The following ZBTB20 variants were observed in gnomAD, a reference collection of about 807,000 sequenced individuals.
ZBTB20 encodes the protein zinc finger and BTB domain containing 20, also known as zinc finger and BTB domain-containing protein 20.
ZBTB20 carries 9 observed loss-of-function variants against 56.9 expected under a neutral mutation model. That is an observed-to-expected ratio of 0.16 (90% CI 0.10 to 0.28). The LOEUF is 0.28. ZBTB20 is among the 10% of genes least tolerant of loss of function. ZBTB20 has a pLI of 1.00. For missense variants in ZBTB20, 655 were observed against 1,003.0 expected, an observed-to-expected ratio of 0.65 and a Z score of 4.69; for synonymous variants, 417 against 420.7, an observed-to-expected ratio of 0.99 and a Z score of 0.11.
At chr3:115,073,613 C>G (rs920688599) in intron 1 of ZBTB20, among the ~76,000 whole-genome samples, 2 of 151,586 alleles carry the variant, frequency 1.3e-5, no homozygotes, top group Admixed American at 1.3e-4. Flanking sequence ...ACTTTTAGCT[C>G]TAAGTTCATT....
chr3:114,760,334 C>G (rs1165410130), intron 5 of ZBTB20, among the ~76,000 whole-genome samples: 1 of 152,154 alleles, frequency 6.6e-6, no homozygotes, highest in Non-Finnish European at 1.5e-5. Flanking sequence ...AAAGAGAAAA[C>G]ACACATCTCA....
At chr3:115,018,649 A>T (rs2080078213) in intron 2 of ZBTB20, among the ~76,000 whole-genome samples, 1 of 151,484 alleles carries the variant, frequency 6.6e-6, no homozygotes, top group South Asian at 2.1e-4. Flanking sequence ...CTGACCAACA[A>T]GAAACAAAGA....
chr3:115,112,624 A>C (rs1479319410), intron 1 of ZBTB20, among the ~76,000 whole-genome samples: 2 of 152,184 alleles, frequency 1.3e-5, no homozygotes, highest in African/African-American at 4.8e-5. Context: ...ATTGCTGCAA[A>C]TGACATTCCT....
chr3:114,821,267 T>A (rs1270978335), intron 4 of ZBTB20, among the ~76,000 whole-genome samples: 1 of 152,148 alleles, frequency 6.6e-6, no homozygotes, highest in East Asian at 1.9e-4. Context: ...TGAAGTCTGG[T>A]GTTGTTTGGC....
chr3:115,119,308 T>C (rs1242690238), intron 1 of ZBTB20, among the ~76,000 whole-genome samples: 4 of 152,200 alleles, frequency 2.6e-5, no homozygotes, highest in Non-Finnish European at 4.4e-5. Flanking sequence ...TTCCTTAACA[T>C]TATTAACCCT....
chr3:114,769,509 T>A (rs114618501), intron 5 of ZBTB20, among the ~76,000 whole-genome samples: 4,583 of 146,590 alleles, frequency 0.031, 126 homozygotes, highest in African/African-American at 0.064. Context: ...TATTTGCACC[T>A]GTTAAATAGC....
rs1269699028 is a variant in ZBTB20 at position 114,941,722 on chromosome 3, C to A, written c.-456+32644G>T. On this transcript the variant is annotated intron_variant, in intron 3 of 11. Coordinates refer to ENST00000675478, the MANE Select transcript of ZBTB20 (RefSeq NM_001348800.3). ...GTAAAATATAATAGATTGTTAGTAA[C>A]AATAAATCAATCTCTACGTTGTCCA... 1.4e-5 allele frequency among the ~76,000 whole-genome samples: 2 copies of A among 146,090 alleles called. 1 individual carries two copies. The highest frequency in any genetic ancestry group is 5.6e-5 in the African/African-American group (2 of 35,962).
chr3:114,408,550 C>T (rs932231785), intron 7 of ZBTB20, among the ~76,000 whole-genome samples: 6 of 151,676 alleles, frequency 4.0e-5, no homozygotes, highest in Admixed American at 6.6e-5. Flanking sequence ...TTGGAACAAT[C>T]GAAAGATTCA....
intron 2 of ZBTB20, among the ~76,000 whole-genome samples, chr3:115,025,141 T>C (rs1353883722): frequency 6.6e-6 from 1 of 151,320 alleles, no homozygotes; most frequent in Non-Finnish European, 1.5e-5. Context: ...TTCCCCTCTA[T>C]GTGTTCATGT....
intron 5 of ZBTB20, among the ~76,000 whole-genome samples, chr3:114,794,778 A>T (rs2071225945): frequency 6.6e-6 from 1 of 152,130 alleles, no homozygotes; most frequent in Non-Finnish European, 1.5e-5. Context: ...ATACTTAAAA[A>T]AAGCCTGGAT....
chr3:114,564,733 A>G (rs1359279808), intron 6 of ZBTB20, among the ~76,000 whole-genome samples: 1 of 152,208 alleles, frequency 6.6e-6, no homozygotes, highest in Non-Finnish European at 1.5e-5. Context: ...CTCTAGGAAT[A>G]AAAGGCACAC....
chr3:115,048,432 G>A (rs570725324), intron 2 of ZBTB20, among the ~76,000 whole-genome samples: 1 of 152,076 alleles, frequency 6.6e-6, no homozygotes, highest in Non-Finnish European at 1.5e-5. Flanking sequence ...CCTATTTAAT[G>A]TAGTTTAAAT....
chr3:115,089,745 T>A (rs907399516), intron 1 of ZBTB20, among the ~76,000 whole-genome samples: 1 of 151,834 alleles, frequency 6.6e-6, no homozygotes, highest in Admixed American at 6.6e-5. Context: ...AACCAGTGTA[T>A]GCAACAAAGT....
chr3:114,840,250 C>G (rs2074325525), intron 4 of ZBTB20, among the ~76,000 whole-genome samples: 1 of 152,174 alleles, frequency 6.6e-6, no homozygotes, highest in South Asian at 2.1e-4. Flanking sequence ...CAATTCAGTA[C>G]TCAATTAACC....
rs1439535284 is a variant in ZBTB20 at position 114,350,844 on chromosome 3, C to T, written c.1234G>A (p.Ala412Thr). The change falls in exon 11 of 12, where the codon GCT (alanine) becomes ACT (threonine). Residue 412 changes from alanine (A) to threonine (T), a missense_variant. Ala to Thr is a moderately conservative substitution (Grantham distance 58, BLOSUM62 0). This residue lies in a region of ZBTB20 where 156 missense variants were observed against 181.0 expected (regional missense o/e 0.86). Coordinates refer to ENST00000675478, the MANE Select transcript of ZBTB20 (RefSeq NM_001348800.3). The part of the protein sequence containing the change: ...SQAEPTQPEQ[A>T]AEAPAEGGPQ... ...CCACCCTCAGCGGGGGCTTCTGCAG[C>T]CTGCTCGGGTTGGGTGGGTTCAGCC... The T allele has an allele frequency of 5.0e-6, 8 of 1,612,210 alleles. No individual in the cohort carries two copies. In the South Asian group the frequency reaches 5.5e-5, roughly 11 times the overall value.
chr3:114,410,777 A>C (rs1457722459), intron 7 of ZBTB20, among the ~76,000 whole-genome samples: 1 of 152,172 alleles, frequency 6.6e-6, no homozygotes, highest in Non-Finnish European at 1.5e-5. Flanking sequence ...TCTATAGCTA[A>C]CTAATGATGA....
intron 7 of ZBTB20, among the ~76,000 whole-genome samples, chr3:114,393,354 A>G (rs1251207386): frequency 1.3e-5 from 2 of 152,270 alleles, no homozygotes; most frequent in African/African-American, 2.4e-5. Flanking sequence ...GTAATTATAT[A>G]AATGTACATT....
At chr3:114,612,446 A>G (rs1211999820) in intron 6 of ZBTB20, among the ~76,000 whole-genome samples, 1 of 152,188 alleles carries the variant, frequency 6.6e-6, no homozygotes, top group Non-Finnish European at 1.5e-5. Context: ...TAAGTTTAGC[A>G]TCATACTTAT....
intron 1 of ZBTB20, among the ~76,000 whole-genome samples, chr3:115,135,737 A>G (rs1393878557): frequency 6.6e-6 from 1 of 152,194 alleles, no homozygotes; most frequent in African/African-American, 2.4e-5. Context: ...TATATTGTTC[A>G]CAACCCAACT....
Sources: gnomAD v4.1 joint callset for allele counts (sites outside exome capture counted in the v4.1 genomes callset) on GRCh38, gnomAD v4.1.1 for gene constraint, gnomAD v4.1.1 regional missense constraint, MANE v1.5 for transcripts, NCBI Gene and HGNC (gene_info 2026-07-23, HGNC 2026-07-21) for gene names.